OTOGL: variants seen among roughly 807,000 people sequenced by gnomAD.
OTOGL encodes the protein otogelin like, also known as otogelin-like protein.
A neutral mutation model predicts 318.5 loss-of-function variants in OTOGL; 285 were observed. That is an observed-to-expected ratio of 0.89 (90% confidence interval 0.81 to 0.99). OTOGL has a LOEUF of 0.99. Ranked by LOEUF, OTOGL falls within the 50% of genes least tolerant of loss-of-function variation. OTOGL has a pLI of 0.00. For synonymous variants in OTOGL, 987 were observed against 936.5 expected, an observed-to-expected ratio of 1.05 and a Z score of -0.99; for missense variants, 2,899 against 2,845.6, an observed-to-expected ratio of 1.02 and a Z score of -0.43.
At chr12:80,370,197 G>T (rs888969834) in intron 55 of OTOGL, among the ~76,000 whole-genome samples, 1 of 151,920 alleles carries the variant, frequency 6.6e-6, no homozygotes, top group African/African-American at 2.4e-5. Flanking sequence ...AATTAGTGAG[G>T]AAATATTAGA....
Position 80,323,958 on chromosome 12 carries a change from T to C in OTOGL, c.4199+118T>C. 5 of 725,200 alleles carry C rather than the reference T, an allele frequency of 6.9e-6. No individual in the cohort carries two copies. The South Asian group carries it at 9.6e-5, about 14-fold the overall frequency. 44.9% of individuals were successfully genotyped at this position (725,200 alleles called of 1,614,324 possible). A position where few individuals can be genotyped will look rare whatever the true frequency, so the allele number is the denominator to read the frequency against. ...TCAAGTTGTATATGCTATATATTCT[T>C]TCATGATATTAATTTCGCTTAAATC... On this transcript the variant is annotated intron_variant, in intron 35 of 58. Transcript: ENST00000547103.
chr12:80,148,893 T>C (rs954099071), intron 1 of OTOGL, among the ~76,000 whole-genome samples: 1 of 152,226 alleles, frequency 6.6e-6, no homozygotes, highest in Non-Finnish European at 1.5e-5. Context: ...GAGCCTTGGT[T>C]TTCAGCTCCA....
chr12:80,202,147 G>C (rs1444416324), intron 1 of OTOGL, among the ~76,000 whole-genome samples: 1 of 152,174 alleles, frequency 6.6e-6, no homozygotes, highest in Non-Finnish European at 1.5e-5. Context: ...TAGCAGAAGA[G>C]TGAGCTGGAC....
intron 44 of OTOGL, among the ~76,000 whole-genome samples, chr12:80,349,447 T>G (rs915397840): frequency 5.9e-5 from 9 of 151,876 alleles, no homozygotes; most frequent in Admixed American, 1.3e-4. Flanking sequence ...GGGAGAGCAT[T>G]TTCAGTGAGA....
chr12:80,139,526 C>A (rs1173834533), intron 1 of OTOGL, among the ~76,000 whole-genome samples: 4 of 152,080 alleles, frequency 2.6e-5, no homozygotes, highest in African/African-American at 7.2e-5. Flanking sequence ...ATTTCCCTAG[C>A]TAATGTGCAC....
At chr12:80,269,040 T>C (rs953331915) in intron 22 of OTOGL, among the ~76,000 whole-genome samples, 1 of 152,174 alleles carries the variant, frequency 6.6e-6, no homozygotes, top group Non-Finnish European at 1.5e-5. Context: ...ATATGTGATC[T>C]GAGACCTGTC....
Position 80,145,686 on chromosome 12 carries a change from A to G in OTOGL, c.-20+46081A>G, listed in dbSNP as rs1003667215. 1.7e-4 allele frequency among the ~76,000 whole-genome samples: 26 copies of G among 152,006 alleles called. 1 individual carries two copies. In the Middle Eastern group the frequency reaches 0.014, roughly 80 times the overall value. ...TTCACGATATTGATTCTTCCTACCC[A>G]TGAGCATGGAATGTTCTTCCATTTG... On this transcript the variant is annotated intron_variant, in intron 1 of 58. Transcript: ENST00000547103.
At chr12:80,364,191 C>T (rs1708315167) in intron 52 of OTOGL, among the ~76,000 whole-genome samples, 1 of 152,092 alleles carries the variant, frequency 6.6e-6, no homozygotes, top group African/African-American at 2.4e-5. Context: ...TATACATAAC[C>T]CTTCATCCAT....
intron 26 of OTOGL, among the ~76,000 whole-genome samples, chr12:80,285,888 G>A (rs1884582413): frequency 6.6e-6 from 1 of 152,042 alleles, no homozygotes; most frequent in Non-Finnish European, 1.5e-5. Context: ...AATTGCCCTG[G>A]CCAGAACTTC....
At chr12:80,287,839 G>A (rs1384277988) in intron 26 of OTOGL, among the ~76,000 whole-genome samples, 1 of 152,038 alleles carries the variant, frequency 6.6e-6, no homozygotes, top group Non-Finnish European at 1.5e-5. Context: ...AATGGGTCTT[G>A]ACTCCTTGTC....
At chr12:80,225,450 A>G (rs911440298) in intron 7 of OTOGL, among the ~76,000 whole-genome samples, 4 of 152,106 alleles carry the variant, frequency 2.6e-5, no homozygotes, top group Non-Finnish European at 4.4e-5. Context: ...TTTCAAATAA[A>G]TACATCAATT....
chr12:80,365,506 T>G (rs1890474718), intron 52 of OTOGL, among the ~76,000 whole-genome samples: 2 of 152,120 alleles, frequency 1.3e-5, no homozygotes, highest in Non-Finnish European at 2.9e-5. Flanking sequence ...GCTTTAACTA[T>G]TAAAAAACAG....
chr12:80,100,316 C>T (rs1288489364), intron 1 of OTOGL, among the ~76,000 whole-genome samples: 4 of 152,108 alleles, frequency 2.6e-5, no homozygotes, highest in Admixed American at 2.0e-4. Flanking sequence ...CCACCGAACA[C>T]TAGATCTTAC....
chr12:80,297,342 T>TG (rs1491442791), intron 27 of OTOGL, among the ~76,000 whole-genome samples: 8 of 115,028 alleles, frequency 7.0e-5, no homozygotes, highest in African/African-American at 2.9e-4. Context: ...TTTTTTTTTT[T>TG]TTTTTTTGAG....
intron 1 of OTOGL, among the ~76,000 whole-genome samples, chr12:80,129,861 C>A (rs1871129569): frequency 6.6e-6 from 1 of 152,130 alleles, no homozygotes. Flanking sequence ...CTTTGAAACT[C>A]TTCTTTGTTC....
intron 57 of OTOGL, among the ~76,000 whole-genome samples, chr12:80,376,685 A>C (rs1891192455): frequency 6.6e-6 from 1 of 152,114 alleles, no homozygotes; most frequent in Admixed American, 6.6e-5. Context: ...TGTGGTTTTA[A>C]ATCTCTCAAT....
intron 56 of OTOGL, among the ~76,000 whole-genome samples, chr12:80,371,424 A>G (rs965080755): frequency 1.3e-5 from 2 of 152,184 alleles, no homozygotes; most frequent in Non-Finnish European, 2.9e-5. Context: ...ACAGAATTTC[A>G]GCTCTGGAAA....
Position 80,162,826 on chromosome 12 carries a change from TC to T in OTOGL, c.-19-46586del, listed in dbSNP as rs777024932. On this transcript the variant is annotated intron_variant, in intron 1 of 58. Transcript: ENST00000547103. ...GCGTAGAACTCCAATATGGGTTTTT[TC>T]TTGTGGGGGGTGGGGTGGACACAAT... Among the ~76,000 whole-genome samples, 90 of 152,056 alleles carry T rather than the reference TC, an allele frequency of 5.9e-4. 1 individual carries two copies. In the Middle Eastern group the frequency reaches 0.01, roughly 17 times the overall value.
At chr12:80,147,249 G>A (rs1277834632) in intron 1 of OTOGL, among the ~76,000 whole-genome samples, 1 of 149,366 alleles carries the variant, frequency 6.7e-6, no homozygotes, top group Non-Finnish European at 1.5e-5. Flanking sequence ...ATTCTGGTAT[G>A]TTGTGTCTTT....
Sources: gnomAD v4.1 joint callset for allele counts (sites outside exome capture counted in the v4.1 genomes callset) on GRCh38, gnomAD v4.1.1 for gene constraint, MANE v1.5 for transcripts, NCBI Gene and HGNC (gene_info 2026-07-23, HGNC 2026-07-21) for gene names.